SASH1: variants seen among roughly 807,000 people sequenced by gnomAD.
SASH1 encodes SAM and SH3 domain containing 1.
A neutral mutation model predicts 125.2 loss-of-function variants in SASH1; 44 were observed. The observed-to-expected ratio is 0.35, with a 90% CI of 0.28 to 0.45. SASH1 has a LOEUF of 0.45. Among genes scored for constraint, SASH1 ranks in the 20% least tolerant of loss-of-function variants. SASH1 has a pLI of 1.00. For missense variants in SASH1, 1,426 were observed against 1,614.5 expected (o/e 0.88, Z 2.00); for synonymous variants, 639 against 649.1 (o/e 0.98, Z 0.24).
At chr6:148,545,557 G>A (rs76566317) in intron 18 of SASH1, among the ~76,000 whole-genome samples, 10,262 of 152,298 alleles carry the variant, frequency 0.067, 444 homozygotes, top group Non-Finnish European at 0.097. Flanking sequence ...CTTCTCTCCT[G>A]CAGTTTAGAA....
intron 6 of SASH1, among the ~76,000 whole-genome samples, chr6:148,472,518 C>G (rs549684564): frequency 2.1e-3 from 311 of 151,530 alleles, no homozygotes; most frequent in Non-Finnish European, 3.3e-3. Flanking sequence ...AGGAGGAAGC[C>G]AACAGTTTAC....
intron 8 of SASH1, among the ~76,000 whole-genome samples, chr6:148,510,955 C>G (rs1780079877): frequency 1.3e-5 from 2 of 148,348 alleles, no homozygotes; most frequent in African/African-American, 2.5e-5. Flanking sequence ...GAGATCGCAC[C>G]ACTGCACCCC....
chr6:148,228,849 A>G, the SASH1 span, among the ~76,000 whole-genome samples: 1 of 152,034 alleles, frequency 6.6e-6, no homozygotes, highest in Admixed American at 6.6e-5. Context: ...ATCCAAGAAA[A>G]TCTTGGCTGG....
chr6:148,299,388 T>TCG (rs1779871133), intron 1 of SASH1, among the ~76,000 whole-genome samples: 1 of 151,878 alleles, frequency 6.6e-6, no homozygotes, highest in Non-Finnish European at 1.5e-5. Flanking sequence ...AGACTGTCGT[T>TCG]GGGTGCGGTG....
chr6:148,469,634 G>A (rs985020549), intron 5 of SASH1, among the ~76,000 whole-genome samples: 11 of 152,186 alleles, frequency 7.2e-5, no homozygotes, highest in Non-Finnish European at 1.5e-4. Flanking sequence ...TTGGGAGGCT[G>A]AGGTGGGCGG....
At chr6:148,479,723 C>T (rs1883626) in intron 7 of SASH1, 6,350 of 153,542 alleles carry the variant, frequency 0.041, 168 homozygotes, top group Admixed American at 0.072. Flanking sequence ...GCTGCGGCCA[C>T]GTTGGCTGCC....
chr6:148,365,133 AAG>A (rs1554244483), intron 1 of SASH1, among the ~76,000 whole-genome samples: 2 of 151,886 alleles, frequency 1.3e-5, no homozygotes, highest in Non-Finnish European at 2.9e-5. Context: ...AAAAAAAAAA[AAG>A]AAAGGAGAGG....
At chr6:148,341,124 C>T (rs1421948636), upstream of SASH1, among the ~76,000 whole-genome samples, 1 of 151,916 alleles carries the variant, frequency 6.6e-6, no homozygotes, top group Non-Finnish European at 1.5e-5. Context: ...AGAGCAGGAC[C>T]TTGTCTCTAA....
intron 1 of SASH1, among the ~76,000 whole-genome samples, chr6:148,353,187 G>A (rs532279759): frequency 2.6e-5 from 4 of 152,100 alleles, no homozygotes; most frequent in African/African-American, 9.6e-5. Flanking sequence ...ACCTGCCTCA[G>A]CCTCCCAGTA....
At chr6:148,422,971 G>A (rs936308494) in intron 2 of SASH1, among the ~76,000 whole-genome samples, 98 of 152,154 alleles carry the variant, frequency 6.4e-4, no homozygotes, top group African/African-American at 2.0e-3. Context: ...ATGGAGTCTC[G>A]CTCTGTCGCC....
At chr6:148,403,266 A>G (rs558341645) in intron 2 of SASH1, among the ~76,000 whole-genome samples, 1 of 151,536 alleles carries the variant, frequency 6.6e-6, no homozygotes, top group African/African-American at 2.4e-5. Flanking sequence ...GAATATTAAT[A>G]TAAGAATATA....
chr6:148,421,493 A>G (rs147901870), intron 2 of SASH1, among the ~76,000 whole-genome samples: 1 of 152,090 alleles, frequency 6.6e-6, no homozygotes, highest in East Asian at 1.9e-4. Context: ...TAGTAGAGAC[A>G]TGGTTTGACC....
At chr6:148,308,347 G>A (rs1324115460) in intron 1 of SASH1, among the ~76,000 whole-genome samples, 2 of 150,812 alleles carry the variant, frequency 1.3e-5, no homozygotes, top group Admixed American at 1.3e-4. Context: ...TGGGTCCCAG[G>A]CAAAGAACTC....
At chr6:148,440,637 A>G (rs1184697629) in intron 4 of SASH1, 6 of 546,302 alleles carry the variant, frequency 1.1e-5, no homozygotes, top group Non-Finnish European at 1.9e-5. Flanking sequence ...TTTTACACTT[A>G]TTGTGAATAA....
intron 9 of SASH1, among the ~76,000 whole-genome samples, chr6:148,516,314 GTA>G (rs1201316903): frequency 2.1e-5 from 3 of 143,790 alleles, no homozygotes; most frequent in African/African-American, 7.8e-5. Context: ...GTGTGTGTGT[GTA>G]GCTCAAGGCG....
chr6:148,257,333 G>T, the SASH1 span, among the ~76,000 whole-genome samples: 1 of 152,136 alleles, frequency 6.6e-6, no homozygotes, highest in Non-Finnish European at 1.5e-5. Flanking sequence ...AGTCACATAG[G>T]GTTGGCCTAG....
intron 1 of SASH1, among the ~76,000 whole-genome samples, chr6:148,381,221 T>C (rs1259457250): frequency 6.6e-6 from 1 of 152,204 alleles, no homozygotes; most frequent in Non-Finnish European, 1.5e-5. Flanking sequence ...ATATTTAGAC[T>C]AAACTTTTCA....
chr6:148,194,514 C>T, the SASH1 span, among the ~76,000 whole-genome samples: 7 of 152,310 alleles, frequency 4.6e-5, no homozygotes, highest in Non-Finnish European at 1.0e-4. Context: ...TCTGTCTTTT[C>T]CCTGGCAGTA....
At chr6:148,302,291 G>A (rs947108410) in intron 1 of SASH1, among the ~76,000 whole-genome samples, 10 of 108,434 alleles carry the variant, frequency 9.2e-5, no homozygotes, top group African/African-American at 3.2e-4. Context: ...CAGCCTGGGC[G>A]ACAGAGCAAG....
Sources: allele counts gnomAD v4.1 joint callset (sites outside exome capture counted in the v4.1 genomes callset), GRCh38; gene constraint gnomAD v4.1.1; transcripts MANE v1.5; gene names NCBI Gene and HGNC (gene_info 2026-07-23, HGNC 2026-07-21).